Variants in ARHGAP24 observed in about 807,000 individuals in gnomAD.
The protein encoded by ARHGAP24 is Rho GTPase activating protein 24.
Under a neutral mutation model 76.4 loss-of-function variants are expected in ARHGAP24, and 50 were observed. That is an observed-to-expected ratio of 0.65 (90% CI 0.52 to 0.83). ARHGAP24 has a LOEUF of 0.83. Among genes scored for constraint, ARHGAP24 ranks in the 40% least tolerant of loss-of-function variants. The pLI, the probability that ARHGAP24 is intolerant of heterozygous loss-of-function variation, is 0.00. For synonymous variants in ARHGAP24, 345 were observed against 323.3 expected, an observed-to-expected ratio of 1.07 and a Z score of -0.72; for missense variants, 930 against 914.2, an observed-to-expected ratio of 1.02 and a Z score of -0.22.
At chr4:85,536,891 A>G (rs1339721778) in intron 1 of ARHGAP24, among the ~76,000 whole-genome samples, 3 of 152,158 alleles carry the variant, frequency 2.0e-5, no homozygotes, top group Non-Finnish European at 4.4e-5. Flanking sequence ...TTTAGGTCAT[A>G]GGTGATTTTA....
At chr4:85,531,543 A>G (rs1384807971) in intron 1 of ARHGAP24, among the ~76,000 whole-genome samples, 10 of 152,108 alleles carry the variant, frequency 6.6e-5, no homozygotes, top group Admixed American at 2.6e-4. Flanking sequence ...AAGAATTTCA[A>G]TACCTACTGT....
At chr4:85,915,280 G>A (rs903247217) in intron 3 of ARHGAP24, among the ~76,000 whole-genome samples, 1 of 152,146 alleles carries the variant, frequency 6.6e-6, no homozygotes, top group Admixed American at 6.5e-5. Context: ...GCGAAAAATA[G>A]TGAAATATAA....
At chr4:85,477,748 G>A (rs552509068) in intron 1 of ARHGAP24, among the ~76,000 whole-genome samples, 1 of 152,278 alleles carries the variant, frequency 6.6e-6, no homozygotes, top group Admixed American at 6.5e-5. Flanking sequence ...GTGACCTACT[G>A]GCCCATTGAC....
chr4:85,579,142 A>C (rs1480973985), intron 2 of ARHGAP24, among the ~76,000 whole-genome samples: 2 of 152,166 alleles, frequency 1.3e-5, no homozygotes, highest in Admixed American at 1.3e-4. Context: ...CAGAGACAGC[A>C]CTGGTTTTCT....
chr4:85,930,881 G>T, intron 4 of ARHGAP24: 1 of 1,611,918 alleles, frequency 6.2e-7, no homozygotes, highest in Non-Finnish European at 8.5e-7. Flanking sequence ...TCGCTCAGAG[G>T]CAGGTTTTAA....
intron 1 of ARHGAP24, among the ~76,000 whole-genome samples, chr4:85,487,368 AAT>A (rs1382996082): frequency 3.5e-5 from 4 of 114,674 alleles, no homozygotes; most frequent in African/African-American, 7.2e-5. Context: ...TAAATATATA[AAT>A]ATATATTTAT....
chr4:85,495,248 A>C (rs1723521545), intron 1 of ARHGAP24, among the ~76,000 whole-genome samples: 1 of 151,800 alleles, frequency 6.6e-6, no homozygotes, highest in South Asian at 2.1e-4. Flanking sequence ...TCCGGGTTTC[A>C]GCGAAGAGGT....
At chr4:85,759,255 G>C (rs1578203129) in intron 3 of ARHGAP24, among the ~76,000 whole-genome samples, 1 of 152,154 alleles carries the variant, frequency 6.6e-6, no homozygotes, top group South Asian at 2.1e-4. Flanking sequence ...AATAATGACT[G>C]TAGAAGAAAG....
At chr4:85,700,116 C>T (rs978556320) in intron 2 of ARHGAP24, among the ~76,000 whole-genome samples, 3 of 152,030 alleles carry the variant, frequency 2.0e-5, no homozygotes, top group East Asian at 1.9e-4. Context: ...AGAGCTGAGC[C>T]GGGCATGGTG....
chr4:85,792,386 G>C (rs930037206), intron 3 of ARHGAP24, among the ~76,000 whole-genome samples: 8 of 152,122 alleles, frequency 5.3e-5, no homozygotes, highest in Non-Finnish European at 1.2e-4. Flanking sequence ...AGCCACACAT[G>C]TTCTACTCAT....
chr4:85,890,052 G>A (rs1447254421), intron 3 of ARHGAP24, among the ~76,000 whole-genome samples: 5 of 151,900 alleles, frequency 3.3e-5, no homozygotes, highest in South Asian at 2.1e-4. Context: ...ATGCTGTCAG[G>A]GTTGTAGGAA....
At chr4:85,668,538 G>A (rs1035582095) in intron 2 of ARHGAP24, among the ~76,000 whole-genome samples, 1 of 152,170 alleles carries the variant, frequency 6.6e-6, no homozygotes, top group African/African-American at 2.4e-5. Context: ...ACAGAGAAGA[G>A]GCTAGTGGCA....
At chr4:85,927,332 T>TG (rs1280319692) in intron 4 of ARHGAP24, among the ~76,000 whole-genome samples, 2 of 151,908 alleles carry the variant, frequency 1.3e-5, no homozygotes, top group African/African-American at 4.8e-5. Flanking sequence ...AGAGCTGGGA[T>TG]GGGGGGATGA....
At chr4:85,964,469 G>A (rs1738453359) in intron 5 of ARHGAP24, among the ~76,000 whole-genome samples, 1 of 152,088 alleles carries the variant, frequency 6.6e-6, no homozygotes, top group Non-Finnish European at 1.5e-5. Flanking sequence ...TGGAACTCAT[G>A]GATTAATACA....
chr4:85,604,727 T>C (rs4693713), intron 2 of ARHGAP24, among the ~76,000 whole-genome samples: 141,154 of 151,756 alleles, frequency 0.93, 65,685 homozygotes, highest in East Asian at 0.98. Flanking sequence ...GCTGGGATTA[T>C]AGGTGTGCAC....
intron 2 of ARHGAP24, among the ~76,000 whole-genome samples, chr4:85,601,563 AC>A (rs1720029354): frequency 6.6e-6 from 1 of 152,142 alleles, no homozygotes; most frequent in South Asian, 2.1e-4. Flanking sequence ...CCCAGTTGTA[AC>A]AACCAAAAAT....
intron 1 of ARHGAP24, among the ~76,000 whole-genome samples, chr4:85,502,418 C>T (rs1488913383): frequency 1.3e-5 from 2 of 152,048 alleles, no homozygotes; most frequent in African/African-American, 4.8e-5. Context: ...GTTTGTAGTT[C>T]TACTTGAAGA....
intron 2 of ARHGAP24, among the ~76,000 whole-genome samples, chr4:85,681,400 G>A (rs1001204246): frequency 6.6e-6 from 1 of 152,148 alleles, no homozygotes; most frequent in African/African-American, 2.4e-5. Context: ...ACAATGAACA[G>A]CATTTGATAC....
intron 8 of ARHGAP24, among the ~76,000 whole-genome samples, chr4:85,993,925 TTTGCTAG>T (rs1293925887): frequency 6.6e-6 from 1 of 152,198 alleles, no homozygotes; most frequent in African/African-American, 2.4e-5. Context: ...TCTGGAGATT[TTTGCTAG>T]TTGCTTATAT....
Sources: gnomAD v4.1 joint callset for allele counts (sites outside exome capture counted in the v4.1 genomes callset) on GRCh38, gnomAD v4.1.1 for gene constraint, MANE v1.5 for transcripts, NCBI Gene and HGNC (gene_info 2026-07-23, HGNC 2026-07-21) for gene names.